The following CXCL12 variants were observed in gnomAD, a reference collection of about 807,000 sequenced individuals.
CXCL12 encodes the protein stromal cell-derived factor 1.
In CXCL12, 4 loss-of-function variants were observed where a neutral mutation model predicts 10.7. That is an observed-to-expected ratio of 0.37 (90% CI 0.18 to 0.86). The LOEUF (loss-of-function observed/expected upper bound fraction) is 0.86. CXCL12 is among the 40% of genes least tolerant of loss of function. CXCL12 has a pLI of 0.43. For missense variants in CXCL12, 122 were observed against 110.4 expected, an observed-to-expected ratio of 1.10 and a Z score of -0.47; for synonymous variants, 54 against 45.4, an observed-to-expected ratio of 1.19 and a Z score of -0.77.
intron 2 of CXCL12, among the ~76,000 whole-genome samples, chr10:44,380,137 G>A (rs1327135490): frequency 3.9e-5 from 6 of 152,148 alleles, no homozygotes; most frequent in Admixed American, 1.3e-4. Flanking sequence ...CTTTCTTCCC[G>A]CATTTCTCCC....
intron 1 of CXCL12, among the ~76,000 whole-genome samples, chr10:44,382,460 CAGG>C (rs1184499615): frequency 6.6e-6 from 1 of 152,142 alleles, no homozygotes; most frequent in Non-Finnish European, 1.5e-5. Flanking sequence ...GGGGGTGGAG[CAGG>C]AGAATAGGAG....
chr10:44,372,695 G>C, downstream of CXCL12: 3 of 1,422,544 alleles, frequency 2.1e-6, no homozygotes, highest in South Asian at 4.6e-5. Context: ...ATGATGAGCA[G>C]AACGTGGAGG....
intron 2 of CXCL12, chr10:44,380,537 A>G (rs1839599187): frequency 9.3e-6 from 5 of 539,244 alleles, no homozygotes; most frequent in Middle Eastern, 5.0e-4. Context: ...AGAGAGAACT[A>G]CTACGAGCAC....
At chr10:44,372,625 G>A, downstream of CXCL12, 1 of 1,338,002 alleles carries the variant, frequency 7.5e-7, no homozygotes, top group Non-Finnish European at 9.6e-7. Context: ...GGTCCTGAGA[G>A]TCCTTTTGCA....
downstream of CXCL12, chr10:44,371,523 CA>C (rs1332179386): frequency 4.9e-6 from 1 of 205,304 alleles, no homozygotes; most frequent in African/African-American, 2.4e-5. Flanking sequence ...TCTATTTTTT[CA>C]ATATAACATA....
intron 1 of CXCL12, 77 bp downstream of exon 1, chr10:44,384,867 CA>C: frequency 7.1e-7 from 1 of 1,414,426 alleles, no homozygotes; most frequent in Non-Finnish European, 9.5e-7. Flanking sequence ...CGGGCGCAGG[CA>C]GAGGAGCCGC....
intron 1 of CXCL12, among the ~76,000 whole-genome samples, chr10:44,383,265 G>A (rs3780891): frequency 0.075 from 11,480 of 152,238 alleles, 487 homozygotes; most frequent in Non-Finnish European, 0.097. Context: ...TGTGTGTAAG[G>A]AGCAGATCTG....
At position 44,381,315 on chromosome 10, in the gene CXCL12, G is replaced by C. The variant is rs563397234; in HGVS notation, c.62-435C>G. 3.9e-5 allele frequency among the ~76,000 whole-genome samples: 6 copies of C among 152,310 alleles called. No individual in the cohort carries two copies. The East Asian group carries it at 7.7e-4, about 20-fold the overall frequency. ...AAGAAAGGGGGACAAGAGGCTCCAG[G>C]CTCCCTGGCCTCTCTCCTCTGGCAC... On this transcript the variant is annotated intron_variant, in intron 1 of 2. Coordinates refer to ENST00000343575, the MANE Select transcript of CXCL12 (RefSeq NM_199168.4).
rs372415758 is a variant in CXCL12 at position 44,378,608 on chromosome 10, G to A, written c.*25C>T. On this transcript the variant is annotated 3_prime_UTR_variant, in exon 3 of 3. Transcript: ENST00000343575. ...TTAGTTTTCCTCGAGTGGGTCTAGCGGAAAGTCCTTTTTGGCTGTTGTGCT... is the reference window on the plus strand; with the variant it reads ...TTAGTTTTCCTCGAGTGGGTCTAGCAGAAAGTCCTTTTTGGCTGTTGTGCT... 3.7e-5 allele frequency: 60 copies of A among 1,613,914 alleles called. No homozygotes were observed. In the African/African-American group the frequency reaches 4.4e-4, roughly 12 times the overall value.
chr10:44,376,048 T>C (rs371610797), downstream of CXCL12: 27 of 1,609,876 alleles, frequency 1.7e-5, no homozygotes, highest in Non-Finnish European at 2.1e-5. Flanking sequence ...ATAAAATTAG[T>C]AGAACCATTA....
downstream of CXCL12, chr10:44,372,810 G>A (rs1468726795): frequency 2.0e-5 from 29 of 1,474,236 alleles, 1 homozygote; most frequent in Admixed American, 3.5e-4. Flanking sequence ...AGGCAGACCC[G>A]GCTCCCATGT....
chr10:44,374,671 C>T (rs896430100), downstream of CXCL12: 3 of 455,934 alleles, frequency 6.6e-6, no homozygotes, highest in Admixed American at 4.7e-5. Context: ...GGGGACACCA[C>T]GCTCCGGGAC....
chr10:44,373,154 G>C, downstream of CXCL12: 1 of 1,537,546 alleles, frequency 6.5e-7, no homozygotes, highest in South Asian at 1.2e-5. Context: ...AAAAATAAAT[G>C]TCATGTATTT....
At chr10:44,382,105 C>A (rs1208007450) in intron 1 of CXCL12, among the ~76,000 whole-genome samples, 1 of 152,176 alleles carries the variant, frequency 6.6e-6, no homozygotes, top group South Asian at 2.1e-4. Flanking sequence ...CACTTGTCCC[C>A]CCACTTCCTT....
chr10:44,378,597 G>T lies in CXCL12; in HGVS notation c.*36C>A, dbSNP rs1478671151. ...CTCACAAGGTTTTAGTTTTCCTCGA[G>T]TGGGTCTAGCGGAAAGTCCTTTTTG... On this transcript the variant is annotated 3_prime_UTR_variant, in exon 3 of 3. Transcript: ENST00000343575. The T allele has an allele frequency of 6.2e-7, 1 of 1,613,734 alleles. No individual in the cohort carries two copies. Among genetic ancestry groups the T allele is most frequent in the Non-Finnish European group, 8.5e-7 (1 of 1,179,852 alleles).
intron 1 of CXCL12, among the ~76,000 whole-genome samples, chr10:44,381,436 C>T (rs1839628935): frequency 1.3e-5 from 2 of 152,124 alleles, no homozygotes; most frequent in Admixed American, 1.3e-4. Flanking sequence ...CTGGAAGGCA[C>T]AAAAGAATCC....
At chr10:44,371,032 T>C (rs1382012124), downstream of CXCL12, 1 of 178,572 alleles carries the variant, frequency 5.6e-6, no homozygotes, top group East Asian at 1.8e-4. Flanking sequence ...AGATGAGGGA[T>C]CCCTAGTAAA....
chr10:44,371,740 T>TC (rs1839318807), downstream of CXCL12: 1 of 152,384 alleles, frequency 6.6e-6, no homozygotes, highest in African/African-American at 2.4e-5. Flanking sequence ...TTACATAGTT[T>TC]CCTTGCTTTG....
chr10:44,376,086 C>T, downstream of CXCL12: 2 of 1,595,340 alleles, frequency 1.3e-6, no homozygotes, highest in South Asian at 2.3e-5. Context: ...AAAAGTTCGT[C>T]TCAGTCTGCA....
Sources: allele counts gnomAD v4.1 joint callset (sites outside exome capture counted in the v4.1 genomes callset), GRCh38; gene constraint gnomAD v4.1.1; transcripts MANE v1.5; gene names NCBI Gene and HGNC (gene_info 2026-07-23, HGNC 2026-07-21).